Variants in RTEL1 observed in about 807,000 individuals in gnomAD.
The protein encoded by RTEL1 is regulator of telomere length.
RTEL1 carries 86 observed loss-of-function variants against 162.2 expected under a neutral mutation model. That is an observed-to-expected ratio of 0.53 (90% CI 0.45 to 0.63). RTEL1 has a LOEUF of 0.63. RTEL1 is among the 30% of genes least tolerant of loss of function. RTEL1 has a pLI of 0.00. For missense variants in RTEL1, 1,941 were observed against 1,750.2 expected (o/e 1.11, Z -1.95); for synonymous variants, 958 against 717.9 (o/e 1.33, Z -5.35).
intron 14 of RTEL1, 69 bp downstream of exon 14, chr20:63,680,788 TTAG>T: frequency 1.3e-6 from 2 of 1,595,924 alleles, no homozygotes; most frequent in Non-Finnish European, 1.7e-6. Context: ...TCCTGCTGTA[TTAG>T]TTAACTGATT....
intron 4 of RTEL1, 151 bp downstream of exon 4, chr20:63,662,094 G>A: frequency 1.5e-6 from 1 of 679,670 alleles, no homozygotes; most frequent in South Asian, 1.8e-5. Flanking sequence ...GTGCCCAGGG[G>A]TGGGGTGCGG....
chr20:63,663,031 C>T (rs546382155), intron 6 of RTEL1, 142 bp downstream of exon 6: 13 of 767,156 alleles, frequency 1.7e-5, no homozygotes, highest in East Asian at 2.6e-5. Context: ...TCTTCTGACT[C>T]GGGGCCACCC....
chr20:63,678,900 G>GCA (rs1041657794), intron 12 of RTEL1, among the ~76,000 whole-genome samples: 3 of 143,616 alleles, frequency 2.1e-5, no homozygotes, highest in East Asian at 2.1e-4. Context: ...CCCACAGACA[G>GCA]CACACACACA....
chr20:63,672,650 T>A (rs967742296), intron 9 of RTEL1, 29 bp downstream of exon 9: 3 of 1,539,684 alleles, frequency 1.9e-6, no homozygotes, highest in African/African-American at 2.7e-5. Flanking sequence ...CCTAAACACC[T>A]CCTATTGCTT....
In RTEL1 at chr20:63,693,231, T is replaced by A. The variant is rs141618172; in HGVS notation, c.2940T>A (p.Pro980=). Residue 980 remains proline (P), a synonymous_variant, in exon 30 of 35, where the codon CCT becomes CCA. Coordinates refer to ENST00000360203, the MANE Select transcript of RTEL1 (RefSeq NM_001283009.2). ...CAGGACGAGGCTGTGGCTATCGGCCTGAGCACAGCATTCCCCGAAGGCAGC... is the reference window on the plus strand; with the variant it reads ...CAGGACGAGGCTGTGGCTATCGGCCAGAGCACAGCATTCCCCGAAGGCAGC... ...QLTGRGCGYR[P]EHSIPRRQRA... is the part of the protein sequence containing the mutation. The A allele has an allele frequency of 6.2e-7, 1 of 1,611,954 alleles. No homozygotes were observed. Among genetic ancestry groups the A allele is most frequent in the Non-Finnish European group, 8.5e-7 (1 of 1,179,490 alleles).
At chr20:63,682,472 C>G in intron 14 of RTEL1, 1 of 984,996 alleles carries the variant, frequency 1.0e-6, no homozygotes, top group Admixed American at 6.2e-5. Flanking sequence ...CCTCCCAGGC[C>G]CCCACTTAAG....
In RTEL1 at chr20:63,661,190, G is replaced by A. The variant is rs1473903916; in HGVS notation, c.103-108G>A. The A allele has an allele frequency of 2.4e-5, 24 of 993,552 alleles. No individual in the cohort carries two copies. The highest frequency in any genetic ancestry group is 3.6e-5 in the Non-Finnish European group (24 of 667,470). The allele number at this position is 993,552 out of a possible 1,614,324, so 61.5% of individuals were successfully genotyped here. On this transcript the variant is annotated intron_variant, in intron 2 of 34. Transcript: ENST00000360203. This position sits in a 1 kb window ranked among gnomAD's most constrained non-coding sequence, Gnocchi z 5.1. ...CTCTCGCCACCTGGCAGTGGCCTCT[G>A]CATCTGCAAAGAGCTGCCCGCTGGC...
chr20:63,692,825 A>C lies in RTEL1; in HGVS notation c.2673A>C (p.Ala891=), dbSNP rs1257852917. 1 of 1,612,146 alleles carries C rather than the reference A, an allele frequency of 6.2e-7. No individual in the cohort carries two copies. The highest frequency in any genetic ancestry group is 8.5e-7 in the Non-Finnish European group (1 of 1,179,574). The change falls in exon 29 of 35, where the codon GCA becomes GCC. Residue 891 remains alanine, a synonymous_variant. Coordinates refer to ENST00000360203, the MANE Select transcript of RTEL1 (RefSeq NM_001283009.2). ...VSHPEEPVAG[A]QTDRAKLFMV... ...TGCAGGAGGAGCCCGTGGCTGGTGC[A>C]CAGACGGACAGGGCCAAGCTCTTCA...
Position 63,668,082 on chromosome 20 carries a change from T to C in RTEL1, c.699+529T>C, listed in dbSNP as rs1469791035. ...CCAGTGTGTGCCCAGCCCCACTCCC[T>C]TCCGCCCCGTGTGCCCAGCCCCACG... On this transcript the variant is annotated intron_variant, in intron 8 of 34. Coordinates refer to ENST00000360203, the MANE Select transcript of RTEL1 (RefSeq NM_001283009.2). The surrounding 1 kb of genome is among the most constrained non-coding windows in gnomAD (Gnocchi z 4.3). Among the ~76,000 whole-genome samples, 5 of 104,204 alleles carry C rather than the reference T, an allele frequency of 4.8e-5. No homozygotes were observed. The East Asian group carries it at 1.1e-3, about 23-fold the overall frequency. 68.4% of individuals were successfully genotyped at this position (104,204 alleles called of 152,430 possible). A position where few individuals can be genotyped will look rare whatever the true frequency, so the allele number is the denominator to read the frequency against.
At position 63,694,375 on chromosome 20, in the gene RTEL1, G is replaced by T. The variant is rs373897283; in HGVS notation, c.2996G>T (p.Arg999Ile). 1.2e-6 allele frequency: 2 copies of T among 1,605,076 alleles called. No individual in the cohort carries two copies. Among genetic ancestry groups the T allele is most frequent in the African/African-American group, 1.3e-5 (1 of 74,644 alleles). ...TGGCTCTACATCTCTTCATCAGGAA[G>T]AACGGCGCCGGATCCCAAGCTGACC... The part of the protein sequence containing the change: ...RAQPVLDPTG[R>I]TAPDPKLTVS... The change falls in exon 31 of 35, where the codon AGA (arginine) becomes ATA (isoleucine). Residue 999 changes from arginine (R) to isoleucine (I), a missense_variant. Coordinates refer to ENST00000360203, the MANE Select transcript of RTEL1 (RefSeq NM_001283009.2).
At position 63,693,258 on chromosome 20, in the gene RTEL1, G is replaced by A. The variant is rs2090809210; in HGVS notation, c.2967G>A (p.Arg989=). The change falls in exon 30 of 35, where the codon CGG becomes CGA. Residue 989 remains arginine (R), a synonymous_variant. Transcript: ENST00000360203. ...AGCACAGCATTCCCCGAAGGCAGCGGGCACAGCCGGTCCTGGACCCCACTG... is the reference window on the plus strand; with the variant it reads ...AGCACAGCATTCCCCGAAGGCAGCGAGCACAGCCGGTCCTGGACCCCACTG... ...RPEHSIPRRQ[R]AQPVLDPTGR... is the part of the protein sequence containing the mutation. 9 of 1,611,914 alleles carry A rather than the reference G, an allele frequency of 5.6e-6. No homozygotes were observed. Among genetic ancestry groups the A allele is most frequent in the Non-Finnish European group, 7.6e-6 (9 of 1,179,434 alleles).
chr20:63,695,669 C>T lies in RTEL1; in HGVS notation c.3822+19C>T, dbSNP rs760050715. On this transcript the variant is annotated intron_variant, in intron 34 of 34. Transcript: ENST00000360203. The stretch of plus-strand genomic sequence containing the variant: ...CCTTCAGGTTGGTGCCTGGCCACTA[C>T]AGTTCCTGCTGGGTGTAGCCCCAGG... 2 of 1,610,912 alleles carry T rather than the reference C, an allele frequency of 1.2e-6. No homozygotes were observed. The highest frequency in any genetic ancestry group is 1.7e-6 in the Non-Finnish European group (2 of 1,179,616).
At position 63,661,728 on chromosome 20, in the gene RTEL1, G is replaced by T; in HGVS notation, c.302-122G>T. 1 of 964,864 alleles carries T rather than the reference G, an allele frequency of 1.0e-6. No homozygotes were observed. Among genetic ancestry groups the T allele is most frequent in the Admixed American group, 2.0e-5 (1 of 49,316 alleles). 59.8% of individuals were successfully genotyped at this position (964,864 alleles called of 1,614,324 possible). A position where few individuals can be genotyped will look rare whatever the true frequency, so the allele number is the denominator to read the frequency against. On this transcript the variant is annotated intron_variant, in intron 3 of 34. Transcript: ENST00000360203. The surrounding 1 kb of genome is among the most constrained non-coding windows in gnomAD (Gnocchi z 5.1). ...CACTTCACCCATTTTTGATAAACCA[G>T]TATCTGGGGTGTCAGATTCTTGGCT...
At position 63,689,047 on chromosome 20, in the gene RTEL1, C is replaced by G; in HGVS notation, c.1801-8C>G. ...CTCCAGGCTCAGCCTCACCAACTTTCCTTCCAGACCATCAGTGCTTACTAT... is the reference window on the plus strand; with the variant it reads ...CTCCAGGCTCAGCCTCACCAACTTTGCTTCCAGACCATCAGTGCTTACTAT... On this transcript the variant is annotated splice_polypyrimidine_tract_variant and splice_region_variant and intron_variant, in intron 21 of 34. Transcript: ENST00000360203. 6.2e-7 allele frequency: 1 copy of G among 1,610,206 alleles called. No individual in the cohort carries two copies.
intron 34 of RTEL1, 63 bp downstream of exon 34, chr20:63,695,713 AG>A: frequency 1.2e-6 from 2 of 1,605,134 alleles, no homozygotes; most frequent in Non-Finnish European, 8.5e-7. Context: ...TGAGGGGGAA[AG>A]GGCAGGCCCT....
intron 27 of RTEL1, among the ~76,000 whole-genome samples, chr20:63,691,330 T>C (rs2090736918): frequency 6.6e-6 from 1 of 152,072 alleles, no homozygotes; most frequent in South Asian, 2.1e-4. Flanking sequence ...CTTGGGGCCT[T>C]TTGCCCCAGA....
intron 8 of RTEL1, among the ~76,000 whole-genome samples, chr20:63,670,966 G>A (rs573369845): frequency 8.5e-5 from 13 of 152,328 alleles, no homozygotes; most frequent in East Asian, 7.7e-4. Flanking sequence ...CAGCAGCCAC[G>A]GGCGTGGACT....
intron 16 of RTEL1, 188 bp downstream of exon 16, chr20:63,686,060 G>A (rs1002083444): frequency 6.3e-6 from 4 of 635,314 alleles, no homozygotes; most frequent in Middle Eastern, 4.2e-4. Context: ...ACTGAGAGAC[G>A]TAGGAGATGG....
Position 63,667,572 on chromosome 20 carries a change from A to G in RTEL1, c.699+19A>G. ...TGCCAAGGTGGGGGCTCAGTCCTGT[A>G]GCTGACGACTCCTGATGTCCAGGGG... is the stretch of plus-strand genomic sequence containing the variant. On this transcript the variant is annotated intron_variant, in intron 8 of 34. Coordinates refer to ENST00000360203, the MANE Select transcript of RTEL1 (RefSeq NM_001283009.2). 1.9e-6 allele frequency: 3 copies of G among 1,592,362 alleles called. No homozygotes were observed. The highest frequency in any genetic ancestry group is 2.6e-6 in the Non-Finnish European group (3 of 1,160,462).
Sources: allele counts gnomAD v4.1 joint callset (sites outside exome capture counted in the v4.1 genomes callset), GRCh38; gene constraint gnomAD v4.1.1; non-coding constraint Gnocchi (gnomAD v3.1); transcripts MANE v1.5; gene names NCBI Gene and HGNC (gene_info 2026-07-23, HGNC 2026-07-21).